SPIN1: variants seen among roughly 807,000 people sequenced by gnomAD.
SPIN1 encodes spindlin 1, also known as spindlin-1.
SPIN1 carries 3 observed loss-of-function variants against 26.0 expected under a neutral mutation model. The observed-to-expected ratio is 0.12, with a 90% confidence interval of 0.05 to 0.30. The LOEUF (loss-of-function observed/expected upper bound fraction) is 0.30, where lower values mean the gene tolerates loss of function less well. Among genes scored for constraint, SPIN1 ranks in the 10% least tolerant of loss-of-function variants. SPIN1 has a pLI of 1.00. For missense variants in SPIN1, 126 were observed against 333.4 expected, an observed-to-expected ratio of 0.38 and a Z score of 4.84; for synonymous variants, 101 against 116.5, an observed-to-expected ratio of 0.87 and a Z score of 0.86.
At chr9:88,399,539 A>G (rs1827142681) in intron 1 of SPIN1, among the ~76,000 whole-genome samples, 1 of 152,086 alleles carries the variant, frequency 6.6e-6, no homozygotes, top group Non-Finnish European at 1.5e-5. Context: ...GATCCTTGGC[A>G]AATGTAGCCC....
At chr9:88,415,114 C>T (rs540503949) in intron 1 of SPIN1, among the ~76,000 whole-genome samples, 49 of 152,100 alleles carry the variant, frequency 3.2e-4, no homozygotes, top group Non-Finnish European at 5.9e-4. Context: ...CCGTGTTAGC[C>T]AGGATGGTCT....
chr9:88,407,172 C>CT (rs1274708862), intron 1 of SPIN1, among the ~76,000 whole-genome samples: 7 of 147,384 alleles, frequency 4.7e-5, no homozygotes, highest in African/African-American at 1.8e-4. Context: ...GAGTCTCACT[C>CT]TGTTGCCCAG....
At chr9:88,459,282 A>G (rs1325420043) in intron 3 of SPIN1, among the ~76,000 whole-genome samples, 1 of 152,206 alleles carries the variant, frequency 6.6e-6, no homozygotes, top group Admixed American at 6.5e-5. Context: ...TATTGCTACA[A>G]AGGATTCTTG....
At chr9:88,402,868 G>T (rs1827219803) in intron 1 of SPIN1, among the ~76,000 whole-genome samples, 1 of 152,100 alleles carries the variant, frequency 6.6e-6, no homozygotes, top group Non-Finnish European at 1.5e-5. Context: ...TATTTTTAGT[G>T]TTTTGAGAAA....
At chr9:88,439,018 A>G (rs1828064965) in intron 2 of SPIN1, among the ~76,000 whole-genome samples, 1 of 152,152 alleles carries the variant, frequency 6.6e-6, no homozygotes, top group Admixed American at 6.5e-5. Context: ...GCTCATTCCT[A>G]AGGACCCACT....
intron 1 of SPIN1, among the ~76,000 whole-genome samples, chr9:88,420,182 C>T (rs1827643400): frequency 6.6e-6 from 1 of 152,146 alleles, no homozygotes. Flanking sequence ...TCGAGACCAG[C>T]CTGACCAACA....
intron 3 of SPIN1, among the ~76,000 whole-genome samples, chr9:88,455,020 TA>T (rs1356601513): frequency 6.6e-6 from 1 of 152,160 alleles, no homozygotes; most frequent in Non-Finnish European, 1.5e-5. Flanking sequence ...TTGGAAACAA[TA>T]AAATTACATT....
chr9:88,423,171 ACTG>A (rs1827703826), intron 1 of SPIN1, among the ~76,000 whole-genome samples: 1 of 152,248 alleles, frequency 6.6e-6, no homozygotes, highest in Admixed American at 6.5e-5. Context: ...AGCAGAAAAT[ACTG>A]CTAAGATAAG....
chr9:88,388,695 C>T (rs1381461200), intron 1 of SPIN1, among the ~76,000 whole-genome samples, 157 bp downstream of exon 1: 1 of 148,180 alleles, frequency 6.7e-6, no homozygotes, highest in Non-Finnish European at 1.5e-5. Flanking sequence ...CGCCCCCTGC[C>T]GGCTGGGCCG....
At chr9:88,393,700 C>A (rs1370818077) in intron 1 of SPIN1, among the ~76,000 whole-genome samples, 3 of 151,920 alleles carry the variant, frequency 2.0e-5, no homozygotes, top group Non-Finnish European at 1.5e-5. Context: ...TGTGATCTGC[C>A]CGCCTCGGCC....
At chr9:88,451,229 C>T (rs1828346329) in intron 3 of SPIN1, among the ~76,000 whole-genome samples, 1 of 152,144 alleles carries the variant, frequency 6.6e-6, no homozygotes, top group African/African-American at 2.4e-5. Flanking sequence ...ATGACGGTGG[C>T]CCTCCTTCTG....
At chr9:88,435,415 C>A (rs1051104908) in intron 2 of SPIN1, among the ~76,000 whole-genome samples, 2 of 151,942 alleles carry the variant, frequency 1.3e-5, no homozygotes, top group African/African-American at 4.8e-5. Flanking sequence ...CCATGTTGAC[C>A]AGGCTGTTCT....
chr9:88,411,302 G>A, intron 1 of SPIN1: 5 of 1,343,534 alleles, frequency 3.7e-6, no homozygotes, highest in Non-Finnish European at 5.3e-6. Flanking sequence ...AAAGCCCCTG[G>A]AGCACTTGGT....
intron 1 of SPIN1, among the ~76,000 whole-genome samples, chr9:88,408,129 T>C (rs1362504172): frequency 6.6e-6 from 1 of 151,962 alleles, no homozygotes; most frequent in Non-Finnish European, 1.5e-5. Flanking sequence ...TCAACAGTTT[T>C]ACTGTGATGT....
intron 4 of SPIN1, among the ~76,000 whole-genome samples, chr9:88,467,334 C>T (rs1828689232): frequency 6.6e-6 from 1 of 152,156 alleles, no homozygotes; most frequent in Non-Finnish European, 1.5e-5. Flanking sequence ...AAGGGAAGGT[C>T]TCTGCTTTCA....
chr9:88,445,338 A>G (rs957110608), intron 2 of SPIN1, among the ~76,000 whole-genome samples: 4 of 151,728 alleles, frequency 2.6e-5, no homozygotes, highest in Non-Finnish European at 5.9e-5. Context: ...GCCATCACAT[A>G]CTTAATTCTT....
intron 5 of SPIN1, among the ~76,000 whole-genome samples, chr9:88,474,109 G>C (rs1828845106): frequency 6.6e-6 from 1 of 152,214 alleles, no homozygotes; most frequent in African/African-American, 2.4e-5. Flanking sequence ...ACCTGTGAGA[G>C]TAAAATGACA....
intron 2 of SPIN1, among the ~76,000 whole-genome samples, chr9:88,442,910 A>C (rs1466316742): frequency 6.6e-6 from 1 of 151,432 alleles, no homozygotes; most frequent in Non-Finnish European, 1.5e-5. Flanking sequence ...TCACGAGGTC[A>C]GGAGTTCAAG....
intron 5 of SPIN1, among the ~76,000 whole-genome samples, chr9:88,469,204 T>A (rs1828730503): frequency 6.6e-6 from 1 of 152,184 alleles, no homozygotes; most frequent in African/African-American, 2.4e-5. Flanking sequence ...TAGTTCACAA[T>A]AAGGTTTGTG....
Sources: allele counts gnomAD v4.1 joint callset (sites outside exome capture counted in the v4.1 genomes callset), GRCh38; gene constraint gnomAD v4.1.1; transcripts MANE v1.5; gene names NCBI Gene and HGNC (gene_info 2026-07-23, HGNC 2026-07-21).